Variants in POT1 observed in about 807,000 individuals in gnomAD.
The protein encoded by POT1 is protection of telomeres 1.
POT1 carries 47 observed loss-of-function variants against 78.5 expected under a neutral mutation model. The ratio of observed to expected loss-of-function variants is 0.60; its 90% CI spans 0.47 to 0.76. The LOEUF (loss-of-function observed/expected upper bound fraction) is 0.76, where lower values mean the gene tolerates loss of function less well. Among genes scored for constraint, POT1 ranks in the 30% least tolerant of loss-of-function variants. The pLI is 0.00. For missense variants in POT1, 646 were observed against 749.9 expected (o/e 0.86, Z 1.62); for synonymous variants, 259 against 260.7 (o/e 0.99, Z 0.06).
At chr7:124,855,057 A>C (rs1795410824) in intron 9 of POT1, among the ~76,000 whole-genome samples, 1 of 151,688 alleles carries the variant, frequency 6.6e-6, no homozygotes, top group African/African-American at 2.4e-5. Context: ...CTTTCATGGA[A>C]TCTGAAAAGC....
chr7:124,889,637 T>C (rs773332426), intron 6 of POT1, among the ~76,000 whole-genome samples: 2 of 151,964 alleles, frequency 1.3e-5, no homozygotes, highest in Non-Finnish European at 2.9e-5. Context: ...TCTAATGCAG[T>C]TGATGACTTT....
intron 6 of POT1, among the ~76,000 whole-genome samples, chr7:124,889,298 A>T (rs1012757761): frequency 6.6e-6 from 1 of 152,102 alleles, no homozygotes; most frequent in African/African-American, 2.4e-5. Context: ...ACTCTCTTCA[A>T]TTCTTTAAAG....
intron 3 of POT1, 58 bp from the exon 4 acceptor site, chr7:124,898,432 G>T (rs1436170838): frequency 6.6e-6 from 1 of 151,846 alleles, no homozygotes; most frequent in Admixed American, 6.6e-5. Flanking sequence ...AATTTGGAAT[G>T]TCATATAAAT....
chr7:124,857,844 C>A (rs922499367), intron 9 of POT1, among the ~76,000 whole-genome samples: 3 of 152,190 alleles, frequency 2.0e-5, no homozygotes, highest in African/African-American at 7.2e-5. Flanking sequence ...AGCTACCCTG[C>A]ACTAAGCTGT....
chr7:124,866,152 C>G (rs1795717993), intron 7 of POT1, among the ~76,000 whole-genome samples: 1 of 152,044 alleles, frequency 6.6e-6, no homozygotes, highest in Non-Finnish European at 1.5e-5. Context: ...CGTGGAAAGC[C>G]CATGATGTTT....
intron 7 of POT1, among the ~76,000 whole-genome samples, chr7:124,867,562 C>T (rs1795758311): frequency 6.6e-6 from 1 of 152,126 alleles, no homozygotes; most frequent in African/African-American, 2.4e-5. Context: ...CAGGACTTCT[C>T]ATTATCATCA....
At chr7:124,911,946 AC>A (rs1446258188) in intron 3 of POT1, among the ~76,000 whole-genome samples, 1 of 151,880 alleles carries the variant, frequency 6.6e-6, no homozygotes, top group African/African-American at 2.4e-5. Context: ...CTAATCCAAA[AC>A]CCTTATTTTA....
At chr7:124,879,322 T>G (rs532951894) in intron 6 of POT1, among the ~76,000 whole-genome samples, 401 of 152,174 alleles carry the variant, frequency 2.6e-3, no homozygotes, top group African/African-American at 9.4e-3. Context: ...AGGTAGAAGC[T>G]GAAAGTGAGC....
chr7:124,909,186 AT>A (rs1192109731), intron 3 of POT1, among the ~76,000 whole-genome samples: 1 of 151,828 alleles, frequency 6.6e-6, no homozygotes, highest in Non-Finnish European at 1.5e-5. Context: ...CTTTCCTCAT[AT>A]TTTATGTCCA....
At chr7:124,910,358 CTT>C (rs1796862045) in intron 3 of POT1, among the ~76,000 whole-genome samples, 1 of 151,964 alleles carries the variant, frequency 6.6e-6, no homozygotes, top group South Asian at 2.1e-4. Flanking sequence ...GGTTTCTCTA[CTT>C]ATTCTAAGTC....
intron 9 of POT1, 48 bp downstream of exon 9, chr7:124,858,909 T>C (rs753639834): frequency 7.0e-7 from 1 of 1,427,364 alleles, no homozygotes; most frequent in African/African-American, 1.4e-5. Flanking sequence ...CAAAAATCAC[T>C]ATAATTTATA....
chr7:124,883,473 T>C (rs1210231073), intron 6 of POT1, among the ~76,000 whole-genome samples: 2 of 152,130 alleles, frequency 1.3e-5, no homozygotes, highest in Non-Finnish European at 2.9e-5. Flanking sequence ...ATCTGGCATA[T>C]AGAAAATAAA....
chr7:124,875,989 A>G (rs1795981582), intron 6 of POT1, among the ~76,000 whole-genome samples: 1 of 152,214 alleles, frequency 6.6e-6, no homozygotes, highest in East Asian at 1.9e-4. Flanking sequence ...AATAGGTGAT[A>G]TCAAAATGAA....
intron 15 of POT1, among the ~76,000 whole-genome samples, chr7:124,834,570 C>T (rs1261617902): frequency 1.3e-5 from 2 of 151,650 alleles, no homozygotes; most frequent in Non-Finnish European, 2.9e-5. Flanking sequence ...CTTAGAATGG[C>T]GATCATTAAA....
At chr7:124,843,025 C>T in intron 12 of POT1, 62 bp from the exon 13 acceptor site, 2 of 1,154,028 alleles carry the variant, frequency 1.7e-6, no homozygotes, top group South Asian at 3.5e-5. Flanking sequence ...ATGCATCCTC[C>T]TGAACCAAAT....
At chr7:124,922,436 C>T (rs1797173596) in intron 2 of POT1, among the ~76,000 whole-genome samples, 1 of 151,782 alleles carries the variant, frequency 6.6e-6, no homozygotes, top group South Asian at 2.1e-4. Context: ...AATACATGTA[C>T]ATGTAAAAGA....
At position 124,896,046 on chromosome 7, in the gene POT1, T is replaced by C. The variant is rs907835383; in HGVS notation, c.9+1119A>G. 3.4e-5 allele frequency among the ~76,000 whole-genome samples: 5 copies of C among 148,462 alleles called. No individual in the cohort carries two copies. In the South Asian group the frequency reaches 6.6e-4, roughly 20 times the overall value. On this transcript the variant is annotated intron_variant, in intron 5 of 18. Coordinates refer to ENST00000357628, the MANE Select transcript of POT1 (RefSeq NM_015450.3). ...AATTCTAAAAACACCCTGGTCCTCA[T>C]AGACTACACTTTTAATACTATATTC...
chr7:124,842,701 A>G (rs1795056807), intron 13 of POT1, 106 bp downstream of exon 13: 5 of 846,860 alleles, frequency 5.9e-6, no homozygotes, highest in Non-Finnish European at 6.6e-6. Context: ...AAAATATAAT[A>G]TATATATTAA....
chr7:124,827,268 C>A lies in POT1; in HGVS notation c.1632G>T (p.Met544Ile). The change falls in exon 17 of 19, where the codon ATG becomes ATT. Residue 544 changes from methionine to isoleucine, a missense_variant. Transcript: ENST00000357628. ...GIVPLQYVFV[M>I]TFTLDDGTGV... ...CTGTTCCATCATCAAGTGTAAAGGTCATAACAAACACATATTGGAGGGGTA... is the reference window on the plus strand; with the variant it reads ...CTGTTCCATCATCAAGTGTAAAGGTAATAACAAACACATATTGGAGGGGTA... 6.3e-7 allele frequency: 1 copy of A among 1,599,984 alleles called. No individual in the cohort carries two copies. The highest frequency in any genetic ancestry group is 1.1e-5 in the South Asian group (1 of 89,546).
Sources: allele counts gnomAD v4.1 joint callset (sites outside exome capture counted in the v4.1 genomes callset), GRCh38; gene constraint gnomAD v4.1.1; transcripts MANE v1.5; gene names NCBI Gene and HGNC (gene_info 2026-07-23, HGNC 2026-07-21).